CACNA1B: variants seen among roughly 807,000 people sequenced by gnomAD.
The protein encoded by CACNA1B is voltage-dependent N-type calcium channel subunit alpha-1B.
A neutral mutation model predicts 247.2 loss-of-function variants in CACNA1B; 70 were observed. The ratio of observed to expected loss-of-function variants is 0.28; its 90% CI spans 0.23 to 0.35. The LOEUF is 0.35. Ranked by LOEUF, CACNA1B falls within the 10% of genes least tolerant of loss-of-function variation. The pLI, the probability that CACNA1B is intolerant of heterozygous loss-of-function variation, is 1.00. For missense variants in CACNA1B, 2,367 were observed against 3,197.4 expected (o/e 0.74, Z 6.26); for synonymous variants, 1,231 against 1,294.4 (o/e 0.95, Z 1.05).
intron 39 of CACNA1B, among the ~76,000 whole-genome samples, chr9:138,110,926 A>C (rs1235667327): frequency 1.3e-5 from 2 of 151,952 alleles, no homozygotes; most frequent in Admixed American, 6.5e-5. Flanking sequence ...GAAGGCAAAC[A>C]AACACATGCA....
intron 6 of CACNA1B, among the ~76,000 whole-genome samples, chr9:137,946,288 A>T (rs2133326729): frequency 6.6e-6 from 1 of 152,230 alleles, no homozygotes; most frequent in Non-Finnish European, 1.5e-5. Flanking sequence ...CAAGTAAGAG[A>T]AGGGGTCAAA....
chr9:137,955,650 T>G lies in CACNA1B; in HGVS notation c.1071-48T>G, dbSNP rs528962592. ...TTTTGTCTCTGGGGCTGCACACCTG[T>G]GGGGCTTGCACTCACCTGATCTTGC... On this transcript the variant is annotated intron_variant, in intron 7 of 46. Transcript: ENST00000371372. The surrounding 1 kb of genome is among the most constrained non-coding windows in gnomAD (Gnocchi z 6.9). 5 of 1,254,632 alleles carry G rather than the reference T, an allele frequency of 4.0e-6. No homozygotes were observed. Among genetic ancestry groups the G allele is most frequent in the African/African-American group, 1.5e-5 (1 of 67,510 alleles). The allele number at this position is 1,254,632 out of a possible 1,614,324, so 77.7% of individuals were successfully genotyped here.
At chr9:137,975,718 G>A (rs752514185) in intron 11 of CACNA1B, among the ~76,000 whole-genome samples, 189 bp from the exon 12 acceptor site, 33 of 152,274 alleles carry the variant, frequency 2.2e-4, no homozygotes, top group Non-Finnish European at 4.4e-4. Context: ...ACTGGAACAG[G>A]TACCTCTCCG....
At chr9:138,120,605 G>A (rs1962052824) in intron 45 of CACNA1B, 26 bp from the exon 46 acceptor site, 16 of 1,478,604 alleles carry the variant, frequency 1.1e-5, no homozygotes, top group South Asian at 1.4e-5. Context: ...GCCTGGCCGT[G>A]CTAACTTCTT....
rs1410318817 is a variant in CACNA1B at position 137,952,535 on chromosome 9, G to T, written c.1070+158G>T. Among the ~76,000 whole-genome samples the T allele has an allele frequency of 6.6e-6, 1 of 152,076 alleles. No individual in the cohort carries two copies. The highest frequency in any genetic ancestry group is 1.5e-5 in the Non-Finnish European group (1 of 68,016). On this transcript the variant is annotated intron_variant, in intron 7 of 46. Transcript: ENST00000371372. The surrounding 1 kb of genome is among the most constrained non-coding windows in gnomAD (Gnocchi z 4.8). ...TGGGTTCTGGTAGCCCTTCCTTTGT[G>T]CCACCATCCTGACCTGTCCTTGATC... is the stretch of plus-strand genomic sequence containing the variant.
Position 137,882,717 on chromosome 9 carries a change from G to A in CACNA1B, c.391-27G>A. 3.1e-6 allele frequency: 5 copies of A among 1,613,742 alleles called. No homozygotes were observed. The highest frequency in any genetic ancestry group is 1.1e-5 in the South Asian group (1 of 91,078). On this transcript the variant is annotated intron_variant, in intron 2 of 46. Coordinates refer to ENST00000371372, the MANE Select transcript of CACNA1B (RefSeq NM_000718.4). This position sits in a 1 kb window ranked among gnomAD's most constrained non-coding sequence, Gnocchi z 4.0. ...CTACTACACCGGGTAGGGGCCAGGGGTGACCACTGTTCTGCGCTTCTCCTA... is the reference window on the plus strand; with the variant it reads ...CTACTACACCGGGTAGGGGCCAGGGATGACCACTGTTCTGCGCTTCTCCTA...
chr9:137,991,028 G>A (rs148158882), intron 15 of CACNA1B, among the ~76,000 whole-genome samples: 2 of 152,182 alleles, frequency 1.3e-5, no homozygotes, highest in Admixed American at 6.5e-5. Flanking sequence ...ACAAAACAAG[G>A]TTCTTAAACA....
chr9:137,943,468 G>A (rs4129528), intron 6 of CACNA1B, among the ~76,000 whole-genome samples: 1,904 of 152,042 alleles, frequency 0.013, 15 homozygotes, highest in African/African-American at 0.019. Flanking sequence ...ACCCAAACTC[G>A]GGAAATAGTT....
intron 15 of CACNA1B, among the ~76,000 whole-genome samples, chr9:137,988,944 T>A (rs1958399942): frequency 6.6e-6 from 1 of 152,002 alleles, no homozygotes; most frequent in Non-Finnish European, 1.5e-5. Flanking sequence ...AGCCCCTGCT[T>A]CTGAATGGGG....
At position 138,014,788 on chromosome 9, in the gene CACNA1B, C is replaced by T. The variant is rs754369590; in HGVS notation, c.2267+1553C>T. Among the ~76,000 whole-genome samples the T allele has an allele frequency of 6.6e-6, 1 of 152,034 alleles. No individual in the cohort carries two copies. The highest frequency in any genetic ancestry group is 1.5e-5 in the Non-Finnish European group (1 of 68,008). ...CCCTGCTGCCTGCCGGCCCTGCCTC[C>T]TCCTGGGGGTATGGGAGGGTGTCCA... On this transcript the variant is annotated intron_variant, in intron 18 of 46. Coordinates refer to ENST00000371372, the MANE Select transcript of CACNA1B (RefSeq NM_000718.4). This position sits in a 1 kb window ranked among gnomAD's most constrained non-coding sequence, Gnocchi z 6.2.
Position 138,059,793 on chromosome 9 carries a change from C to A in CACNA1B, c.4668+56C>A. 2.0e-6 allele frequency: 2 copies of A among 992,552 alleles called. No individual in the cohort carries two copies. The highest frequency in any genetic ancestry group is 3.2e-6 in the Non-Finnish European group (2 of 615,774). The allele number at this position is 992,552 out of a possible 1,614,324, so 61.5% of individuals were successfully genotyped here. On this transcript the variant is annotated intron_variant, in intron 31 of 46. Coordinates refer to ENST00000371372, the MANE Select transcript of CACNA1B (RefSeq NM_000718.4). This position sits in a 1 kb window ranked among gnomAD's most constrained non-coding sequence, Gnocchi z 4.2. The stretch of plus-strand genomic sequence containing the variant: ...TCCCCAGGTGGTTTCCTTCTAGAGC[C>A]TGCTCCCCTCAGTGCATCTCCAGGC...
chr9:138,111,783 A>T (rs912077791), intron 39 of CACNA1B, among the ~76,000 whole-genome samples: 1 of 151,118 alleles, frequency 6.6e-6, no homozygotes, highest in Non-Finnish European at 1.5e-5. Flanking sequence ...CGGGTGACAC[A>T]GCAGGGCCAG....
chr9:138,016,095 A>G (rs1958788836), intron 18 of CACNA1B, among the ~76,000 whole-genome samples: 1 of 151,986 alleles, frequency 6.6e-6, no homozygotes, highest in South Asian at 2.1e-4. Context: ...CACAACACTC[A>G]CAATCTCACA....
chr9:138,099,665 C>T lies in CACNA1B; in HGVS notation c.5223-3046C>T, dbSNP rs566585443. Among the ~76,000 whole-genome samples the T allele has an allele frequency of 8.5e-5, 11 of 128,788 alleles. No individual in the cohort carries two copies. The East Asian group carries it at 1.1e-3, about 13-fold the overall frequency. The allele number at this position is 128,788 out of a possible 152,430, so 84.5% of individuals were successfully genotyped here. ...CTGTGGTGTGCATGTGCCTGTGGTG[C>T]GCATGTGCCTGTGTGGGTGTGCATG... On this transcript the variant is annotated intron_variant, in intron 37 of 46. Coordinates refer to ENST00000371372, the MANE Select transcript of CACNA1B (RefSeq NM_000718.4).
rs1384789571 is a variant in CACNA1B at position 138,073,970 on chromosome 9, G to T, written c.4792-31G>T. ...GGCCTGGGCGTGGTGGCTGGGAGGT[G>T]CCTGTAGCTGACCGGCCCCTGTCTC... is the stretch of plus-strand genomic sequence containing the variant. On this transcript the variant is annotated intron_variant, in intron 33 of 46. Transcript: ENST00000371372. This position sits in a 1 kb window ranked among gnomAD's most constrained non-coding sequence, Gnocchi z 6.4. 1.3e-6 allele frequency: 2 copies of T among 1,594,412 alleles called. No homozygotes were observed. Among genetic ancestry groups the T allele is most frequent in the South Asian group, 1.1e-5 (1 of 90,818 alleles).
chr9:137,977,840 C>A (rs1958238933), intron 12 of CACNA1B, among the ~76,000 whole-genome samples: 1 of 152,124 alleles, frequency 6.6e-6, no homozygotes, highest in African/African-American at 2.4e-5. Flanking sequence ...GGAGCATTGC[C>A]CCTCTCAGGG....
chr9:137,886,875 G>C (rs1375776516), intron 3 of CACNA1B, among the ~76,000 whole-genome samples: 3 of 152,192 alleles, frequency 2.0e-5, no homozygotes, highest in Admixed American at 6.5e-5. Flanking sequence ...GTGCCACTTT[G>C]CATAGGGTCA....
intron 15 of CACNA1B, among the ~76,000 whole-genome samples, chr9:137,993,276 AT>A (rs1005728643): frequency 6.6e-6 from 1 of 152,026 alleles, no homozygotes; most frequent in Non-Finnish European, 1.5e-5. Context: ...AAAAAGATAA[AT>A]TTTTTTAGTT....
rs60187913 is a variant in CACNA1B at position 137,967,694 on chromosome 9, GTC to G, written c.1334-3678_1334-3677del. Reference sequence around the variant, plus strand: ...CCAGGCTGCTGTGCCCACTGCAAGTGTCTCTCTCTCTCATTTCCTGTTGCACA... The same window carrying G: ...CCAGGCTGCTGTGCCCACTGCAAGTGTCTCTCTCTCATTTCCTGTTGCACA... On this transcript the variant is annotated intron_variant, in intron 10 of 46. Transcript: ENST00000371372. Among the ~76,000 whole-genome samples the G allele has an allele frequency of 4.4e-4, 67 of 152,092 alleles. No individual in the cohort carries two copies. In the East Asian group the frequency reaches 8.5e-3, roughly 19 times the overall value.
Sources: allele counts gnomAD v4.1 joint callset (sites outside exome capture counted in the v4.1 genomes callset), GRCh38; gene constraint gnomAD v4.1.1; non-coding constraint Gnocchi (gnomAD v3.1); transcripts MANE v1.5; gene names NCBI Gene and HGNC (gene_info 2026-07-23, HGNC 2026-07-21).